KLF12: variants seen among roughly 807,000 people sequenced by gnomAD.
KLF12 encodes Krueppel-like factor 12.
KLF12 carries 9 observed loss-of-function variants against 37.8 expected under a neutral mutation model. That is an observed-to-expected ratio of 0.24 (90% CI 0.14 to 0.42). The LOEUF (loss-of-function observed/expected upper bound fraction) is 0.42, where lower values mean the gene tolerates loss of function less well. KLF12 is among the 10% of genes least tolerant of loss of function. The pLI is 1.00. For missense variants in KLF12, 411 were observed against 516.0 expected (o/e 0.80, Z 1.97); for synonymous variants, 208 against 202.1 (o/e 1.03, Z -0.25).
At chr13:73,772,766 C>A (rs1343788171) in intron 5 of KLF12, among the ~76,000 whole-genome samples, 6 of 152,128 alleles carry the variant, frequency 3.9e-5, no homozygotes, top group South Asian at 4.1e-4. Flanking sequence ...ATCACCTTGG[C>A]AGCAGTACAG....
At chr13:73,984,266 G>A (rs973306635) in intron 2 of KLF12, among the ~76,000 whole-genome samples, 4 of 152,104 alleles carry the variant, frequency 2.6e-5, no homozygotes, top group East Asian at 1.9e-4. Flanking sequence ...GGCGGGACTC[G>A]GGGCAGTAGT....
intron 2 of KLF12, among the ~76,000 whole-genome samples, chr13:73,979,455 T>C (rs985596894): frequency 2.6e-5 from 4 of 151,444 alleles, no homozygotes; most frequent in African/African-American, 9.7e-5. Context: ...TAAAGATTAA[T>C]TTTCTCAGCA....
At chr13:73,797,985 A>G (rs1882087053) in intron 5 of KLF12, among the ~76,000 whole-genome samples, 1 of 152,140 alleles carries the variant, frequency 6.6e-6, no homozygotes, top group East Asian at 1.9e-4. Flanking sequence ...CTAATAATTT[A>G]CCATATAATC....
intron 1 of KLF12, among the ~76,000 whole-genome samples, chr13:74,130,994 A>G (rs920550403): frequency 6.6e-6 from 1 of 152,216 alleles, no homozygotes; most frequent in African/African-American, 2.4e-5. Flanking sequence ...CAGGACCTCT[A>G]TATGTTCATC....
the KLF12 span, among the ~76,000 whole-genome samples, chr13:74,207,521 A>G: frequency 5.9e-5 from 9 of 152,192 alleles, no homozygotes; most frequent in East Asian, 1.7e-3. Flanking sequence ...TAAAAATACA[A>G]AAAAAGTAGC....
chr13:73,742,574 C>T (rs575175750), intron 6 of KLF12, among the ~76,000 whole-genome samples: 2 of 152,244 alleles, frequency 1.3e-5, no homozygotes, highest in East Asian at 3.9e-4. Context: ...ATTTTACATT[C>T]CCCTTCCGCC....
chr13:74,071,546 A>G (rs948240412), intron 1 of KLF12, among the ~76,000 whole-genome samples: 1 of 151,820 alleles, frequency 6.6e-6, no homozygotes, highest in Middle Eastern at 3.4e-3. Flanking sequence ...CAAAAAAATT[A>G]GCCGGGCGTG....
chr13:74,215,991 A>G, the KLF12 span, among the ~76,000 whole-genome samples: 1 of 152,218 alleles, frequency 6.6e-6, no homozygotes, highest in Non-Finnish European at 1.5e-5. Context: ...GAGAATATGG[A>G]GTGCAACATA....
chr13:73,742,722 T>C (rs1878090456), intron 6 of KLF12, among the ~76,000 whole-genome samples: 1 of 152,168 alleles, frequency 6.6e-6, no homozygotes, highest in South Asian at 2.1e-4. Context: ...ATTAAGTAGA[T>C]TAAGTTTGAC....
rs142958533 is a variant in KLF12 at position 74,027,199 on chromosome 13, G to T, written c.-31-32146C>A. Among the ~76,000 whole-genome samples the T allele has an allele frequency of 4.4e-3, 663 of 152,272 alleles. 3 individuals are homozygous for T. The highest frequency in any genetic ancestry group is 0.013 in the African/African-American group (556 of 41,544). ...TAAAAAACAACCTACCTTACAGCTT[G>T]CCTGAGAATTTGTGAAGAAATACGA... On this transcript the variant is annotated intron_variant, in intron 1 of 7. Coordinates refer to ENST00000377669, the MANE Select transcript of KLF12 (RefSeq NM_007249.5).
At chr13:73,958,895 G>A (rs1383046745) in intron 2 of KLF12, among the ~76,000 whole-genome samples, 1 of 152,066 alleles carries the variant, frequency 6.6e-6, no homozygotes, top group African/African-American at 2.4e-5. Flanking sequence ...CACAATCTCA[G>A]GTGTGCCCCA....
chr13:74,231,877 G>A, the KLF12 span: 1 of 152,170 alleles, frequency 6.6e-6, no homozygotes, highest in Non-Finnish European at 1.5e-5. Context: ...CTCTGATTTT[G>A]TTATTGGTTT....
chr13:74,251,070 G>A, the KLF12 span, among the ~76,000 whole-genome samples: 3 of 152,118 alleles, frequency 2.0e-5, no homozygotes, highest in Admixed American at 2.0e-4. Flanking sequence ...ATAGTTCTGA[G>A]TCTGGTGTCT....
chr13:74,156,824 C>T, the KLF12 span, among the ~76,000 whole-genome samples: 1,366 of 152,286 alleles, frequency 9.0e-3, 20 homozygotes, highest in African/African-American at 0.031. Context: ...TTCAATATGA[C>T]TGAATAGTAT....
At chr13:74,041,711 C>T (rs1893406446) in intron 1 of KLF12, among the ~76,000 whole-genome samples, 1 of 149,826 alleles carries the variant, frequency 6.7e-6, no homozygotes, top group Non-Finnish European at 1.5e-5. Context: ...CACACACACA[C>T]ACACACACAC....
intron 2 of KLF12, among the ~76,000 whole-genome samples, chr13:73,974,338 A>G (rs919344246): frequency 6.6e-6 from 1 of 150,980 alleles, no homozygotes; most frequent in Non-Finnish European, 1.5e-5. Flanking sequence ...GCAGGTGTTC[A>G]GGCAGAAAAG....
chr13:74,223,240 T>C, the KLF12 span, among the ~76,000 whole-genome samples: 1 of 152,224 alleles, frequency 6.6e-6, no homozygotes, highest in Non-Finnish European at 1.5e-5. Context: ...TTTGTGGTTT[T>C]AACAATACAC....
chr13:74,004,973 A>T (rs1379999365), intron 1 of KLF12, among the ~76,000 whole-genome samples: 4 of 152,174 alleles, frequency 2.6e-5, no homozygotes, highest in Non-Finnish European at 5.9e-5. Context: ...TCACTTCACA[A>T]ATCAACTGCA....
the KLF12 span, among the ~76,000 whole-genome samples, chr13:74,255,963 G>A: frequency 6.6e-6 from 1 of 151,998 alleles, no homozygotes; most frequent in Non-Finnish European, 1.5e-5. Flanking sequence ...AGACCATCCT[G>A]GCTAACATGA....
Sources: gnomAD v4.1 joint callset for allele counts (sites outside exome capture counted in the v4.1 genomes callset) on GRCh38, gnomAD v4.1.1 for gene constraint, MANE v1.5 for transcripts, NCBI Gene and HGNC (gene_info 2026-07-23, HGNC 2026-07-21) for gene names.